The following ADAMTS12 variants were observed in gnomAD, a reference collection of about 807,000 sequenced individuals.
The protein encoded by ADAMTS12 is ADAM metallopeptidase with thrombospondin type 1 motif 12, also known as A disintegrin and metalloproteinase with thrombospondin motifs 12.
Under a neutral mutation model 167.8 loss-of-function variants are expected in ADAMTS12, and 118 were observed. The ratio of observed to expected loss-of-function variants is 0.70; its 90% confidence interval spans 0.61 to 0.82. ADAMTS12 has a LOEUF of 0.82. Ranked by LOEUF, ADAMTS12 falls within the 40% of genes least tolerant of loss-of-function variation. The pLI is 0.00. For synonymous variants in ADAMTS12, 704 were observed against 716.9 expected, an observed-to-expected ratio of 0.98 and a Z score of 0.29; for missense variants, 1,916 against 1,998.8, an observed-to-expected ratio of 0.96 and a Z score of 0.79.
At chr5:33,622,684 A>T (rs1408767824) in intron 14 of ADAMTS12, among the ~76,000 whole-genome samples, 1 of 152,138 alleles carries the variant, frequency 6.6e-6, no homozygotes, top group Non-Finnish European at 1.5e-5. Flanking sequence ...AAACGAAAAA[A>T]CAGGTTAAAT....
chr5:33,860,270 A>T (rs572546169), intron 2 of ADAMTS12, among the ~76,000 whole-genome samples: 11 of 152,220 alleles, frequency 7.2e-5, no homozygotes, highest in African/African-American at 2.2e-4. Context: ...CCTTAAAAAA[A>T]GGTTAGAGGA....
At chr5:33,538,397 A>G (rs552744491) in intron 22 of ADAMTS12, among the ~76,000 whole-genome samples, 4 of 152,282 alleles carry the variant, frequency 2.6e-5, no homozygotes, top group Admixed American at 2.6e-4. Flanking sequence ...GAGAATTACA[A>G]TCCAAGATGA....
At chr5:33,850,295 T>C (rs1749173488) in intron 2 of ADAMTS12, among the ~76,000 whole-genome samples, 1 of 152,070 alleles carries the variant, frequency 6.6e-6, no homozygotes, top group Non-Finnish European at 1.5e-5. Flanking sequence ...GCAGAAAGTT[T>C]CACTAAAAGA....
rs113771116 is a variant in ADAMTS12 at position 33,763,227 on chromosome 5, A to G, written c.490-11679T>C. On this transcript the variant is annotated intron_variant, in intron 2 of 23. Transcript: ENST00000504830. ...GGGAGTTTGCAGATGTGATTACATT[A>G]AAAATCTTGAGATGGGGAAACTGTC... Among the ~76,000 whole-genome samples, 454 of 152,284 alleles carry G rather than the reference A, an allele frequency of 3.0e-3. 2 individuals are homozygous for G. Among genetic ancestry groups the G allele is most frequent in the Admixed American group, 4.6e-3 (70 of 15,296 alleles).
In ADAMTS12 at chr5:33,765,655, G is replaced by A. The variant is rs74861922; in HGVS notation, c.490-14107C>T. Among the ~76,000 whole-genome samples, 1,366 of 151,974 alleles carry A rather than the reference G, an allele frequency of 9.0e-3. 4 individuals are homozygous for A. The highest frequency in any genetic ancestry group is 0.02 in the Middle Eastern group (6 of 294). Reference sequence around the variant, plus strand: ...ACACTTAAATCATGACCCCCAAATCGCTAATGAAGAGCATTCTTAAGCAGA... The same window carrying A: ...ACACTTAAATCATGACCCCCAAATCACTAATGAAGAGCATTCTTAAGCAGA... On this transcript the variant is annotated intron_variant, in intron 2 of 23. Coordinates refer to ENST00000504830, the MANE Select transcript of ADAMTS12 (RefSeq NM_030955.4).
chr5:33,828,815 C>A (rs1169434745), intron 2 of ADAMTS12, among the ~76,000 whole-genome samples: 2 of 152,172 alleles, frequency 1.3e-5, no homozygotes, highest in Non-Finnish European at 2.9e-5. Context: ...GATGCAGTGA[C>A]TCAGGATCTT....
At chr5:33,563,286 C>T (rs1745836669) in intron 19 of ADAMTS12, among the ~76,000 whole-genome samples, 1 of 152,186 alleles carries the variant, frequency 6.6e-6, no homozygotes, top group Non-Finnish European at 1.5e-5. Flanking sequence ...GGGGACTTTG[C>T]AGCTTCTGTC....
At chr5:33,661,778 G>T in intron 6 of ADAMTS12, 138 bp downstream of exon 6, 2 of 1,221,236 alleles carry the variant, frequency 1.6e-6, no homozygotes, top group Non-Finnish European at 2.3e-6. Context: ...GTCAGGAGTT[G>T]ACTAGATCAA....
intron 2 of ADAMTS12, among the ~76,000 whole-genome samples, chr5:33,833,750 C>A (rs1214982339): frequency 6.6e-6 from 1 of 152,144 alleles, no homozygotes; most frequent in Non-Finnish European, 1.5e-5. Context: ...TCAATGAAAT[C>A]TTCTGTAGCT....
chr5:33,806,542 G>A (rs1205062121), intron 2 of ADAMTS12, among the ~76,000 whole-genome samples: 3 of 152,128 alleles, frequency 2.0e-5, no homozygotes, highest in Admixed American at 6.5e-5. Flanking sequence ...AAGGAGTCTC[G>A]GCTTTGGTCC....
intron 5 of ADAMTS12, among the ~76,000 whole-genome samples, chr5:33,667,070 TG>T (rs1261601439): frequency 6.6e-6 from 1 of 152,122 alleles, no homozygotes; most frequent in Non-Finnish European, 1.5e-5. Flanking sequence ...TAATTAGAAT[TG>T]ATCACTAATG....
intron 12 of ADAMTS12, among the ~76,000 whole-genome samples, chr5:33,636,447 A>G (rs1170483690): frequency 1.3e-5 from 2 of 152,190 alleles, no homozygotes; most frequent in Non-Finnish European, 2.9e-5. Flanking sequence ...TTGCACCAAT[A>G]ACCAAATGGT....
chr5:33,876,435 C>T (rs1750228868), intron 2 of ADAMTS12, among the ~76,000 whole-genome samples: 1 of 152,136 alleles, frequency 6.6e-6, no homozygotes, highest in African/African-American at 2.4e-5. Context: ...ATTGATGGAA[C>T]AAAACCTAAA....
intron 16 of ADAMTS12, among the ~76,000 whole-genome samples, chr5:33,601,414 T>C (rs1241315224): frequency 6.6e-6 from 1 of 152,172 alleles, no homozygotes; most frequent in African/African-American, 2.4e-5. Flanking sequence ...TTTTGTAACC[T>C]GAATCCAAAG....
rs116331086 is a variant in ADAMTS12 at position 33,608,834 on chromosome 5, C to A, written c.2527+5404G>T. Among the ~76,000 whole-genome samples, 1,268 of 152,204 alleles carry A rather than the reference C, an allele frequency of 8.3e-3. 23 individuals are homozygous for A. The highest frequency in any genetic ancestry group is 0.029 in the African/African-American group (1,218 of 41,510). On this transcript the variant is annotated intron_variant, in intron 16 of 23. Coordinates refer to ENST00000504830, the MANE Select transcript of ADAMTS12 (RefSeq NM_030955.4). ...CTGGCTGTGGTGATAAGCCTCGGAT[C>A]TGATGGAGGAAATCCAATTGAAAAG... is the stretch of plus-strand genomic sequence containing the variant.
Position 33,549,450 on chromosome 5 carries a change from C to T in ADAMTS12, c.4126-67G>A, listed in dbSNP as rs1171136376. The T allele has an allele frequency of 4.5e-6, 7 of 1,556,832 alleles. No individual in the cohort carries two copies. In the Admixed American group the frequency reaches 8.7e-5, roughly 19 times the overall value. Reference sequence around the variant, plus strand: ...GCATCAGGCCTCCCTTCCTTCCCCTCAGCCGTGGAGGCGCCAGGCATTCAG... The same window carrying T: ...GCATCAGGCCTCCCTTCCTTCCCCTTAGCCGTGGAGGCGCCAGGCATTCAG... On this transcript the variant is annotated intron_variant, in intron 20 of 23. Coordinates refer to ENST00000504830, the MANE Select transcript of ADAMTS12 (RefSeq NM_030955.4).
At chr5:33,787,022 C>CCTG (rs4049302) in intron 2 of ADAMTS12, among the ~76,000 whole-genome samples, 56,311 of 151,678 alleles carry the variant, frequency 0.37, 11,787 homozygotes, top group East Asian at 0.58. Flanking sequence ...CATGAAATAA[C>CCTG]CTAAGTGGAT....
At chr5:33,738,009 A>G (rs894798669) in intron 3 of ADAMTS12, among the ~76,000 whole-genome samples, 8 of 152,182 alleles carry the variant, frequency 5.3e-5, no homozygotes, top group African/African-American at 1.7e-4. Flanking sequence ...ACTGCCTGGT[A>G]CCACTGTTAA....
chr5:33,612,572 G>A (rs1738781188), intron 16 of ADAMTS12, among the ~76,000 whole-genome samples: 1 of 152,136 alleles, frequency 6.6e-6, no homozygotes, highest in Non-Finnish European at 1.5e-5. Context: ...GCTTAAACTT[G>A]TACTTCATAG....
Sources: allele counts gnomAD v4.1 joint callset (sites outside exome capture counted in the v4.1 genomes callset), GRCh38; gene constraint gnomAD v4.1.1; transcripts MANE v1.5; gene names NCBI Gene and HGNC (gene_info 2026-07-23, HGNC 2026-07-21).